The following IQUB variants were observed in gnomAD, a reference collection of about 807,000 sequenced individuals.
The protein encoded by IQUB is IQ motif and ubiquitin-like domain-containing protein.
IQUB carries 86 observed loss-of-function variants against 86.4 expected under a neutral mutation model. The ratio of observed to expected loss-of-function variants is 1.00; its 90% confidence interval spans 0.84 to 1.19. The LOEUF (loss-of-function observed/expected upper bound fraction) is 1.19, where lower values mean the gene tolerates loss of function less well. Ranked by LOEUF, IQUB falls within the 50% of genes most tolerant of loss-of-function variation. The probability of loss-of-function intolerance (pLI) is 0.00; values close to 1 mark genes in which losing one functional copy is unlikely to be tolerated. For missense variants in IQUB, 946 were observed against 916.9 expected (o/e 1.03, Z -0.41); for synonymous variants, 289 against 304.5 (o/e 0.95, Z 0.53).
chr7:123,504,719 C>T (rs1796100054), intron 3 of IQUB, among the ~76,000 whole-genome samples: 1 of 152,144 alleles, frequency 6.6e-6, no homozygotes, highest in Non-Finnish European at 1.5e-5. Context: ...TCCTCCAACA[C>T]TGAGGATTAC....
At chr7:123,520,666 G>C (rs755189658) in intron 1 of IQUB, among the ~76,000 whole-genome samples, 1 of 152,086 alleles carries the variant, frequency 6.6e-6, no homozygotes, top group Non-Finnish European at 1.5e-5. Flanking sequence ...AGCTAGAGAC[G>C]AGGTTGTGGG....
At chr7:123,496,974 T>A (rs1795733275) in intron 6 of IQUB, 68 bp from the exon 7 acceptor site, 1 of 921,982 alleles carries the variant, frequency 1.1e-6, no homozygotes, top group African/African-American at 1.7e-5. Context: ...ATAAAGGCAA[T>A]GATGATTATT....
intron 12 of IQUB, among the ~76,000 whole-genome samples, chr7:123,453,263 A>AATATATAT (rs72054596): frequency 0.077 from 10,645 of 137,854 alleles, 602 homozygotes; most frequent in East Asian, 0.24. Context: ...ATCTAGTTAG[A>AATATATAT]ATATATATAT....
At chr7:123,497,163 G>A (rs573227884) in intron 6 of IQUB, among the ~76,000 whole-genome samples, 16 of 152,278 alleles carry the variant, frequency 1.1e-4, no homozygotes, top group Admixed American at 9.8e-4. Context: ...AGACTCTGGA[G>A]TAAAACTTAG....
At chr7:123,458,514 G>A (rs1236023908) in intron 11 of IQUB, among the ~76,000 whole-genome samples, 1 of 151,808 alleles carries the variant, frequency 6.6e-6, no homozygotes, top group East Asian at 1.9e-4. Context: ...TTTACTTAAT[G>A]CTAAAAAAGA....
At chr7:123,518,867 T>G (rs551697065) in intron 1 of IQUB, among the ~76,000 whole-genome samples, 1 of 152,334 alleles carries the variant, frequency 6.6e-6, no homozygotes, top group Non-Finnish European at 1.5e-5. Context: ...GTGCTGGGAT[T>G]ACAGGCATGA....
chr7:123,455,052 T>C (rs1793625844), intron 12 of IQUB, among the ~76,000 whole-genome samples: 1 of 152,132 alleles, frequency 6.6e-6, no homozygotes, highest in Non-Finnish European at 1.5e-5. Context: ...TTATTTGGAA[T>C]TCTACATGGG....
At chr7:123,489,999 C>T (rs886238535) in intron 7 of IQUB, among the ~76,000 whole-genome samples, 31 of 151,392 alleles carry the variant, frequency 2.0e-4, no homozygotes, top group African/African-American at 6.1e-4. Flanking sequence ...ATAAGAGGAG[C>T]AAATATAAAA....
chr7:123,452,772 T>C lies in IQUB; in HGVS notation c.2347A>G (p.Ile783Val), dbSNP rs760677425. 6.2e-7 allele frequency: 1 copy of C among 1,613,240 alleles called. No individual in the cohort carries two copies. Among genetic ancestry groups the C allele is most frequent in the Admixed American group, 1.7e-5 (1 of 59,954 alleles). ...TGAGGAGGCCTCTGGGATTCTATAA[T>C]CTTAGGTGTTGTGTCTGAGTGATAC... is the stretch of plus-strand genomic sequence containing the variant. ...WKYHSDTTPKIIESQRPPH is the reference protein window; with the variant it reads ...WKYHSDTTPKVIESQRPPH Residue 783 changes from isoleucine (I) to valine (V), a missense_variant, in exon 13 of 13, where the codon ATT becomes GTT. Coordinates refer to ENST00000324698, the MANE Select transcript of IQUB (RefSeq NM_178827.5).
chr7:123,493,875 G>A (rs1416711596), intron 7 of IQUB, among the ~76,000 whole-genome samples: 4 of 151,036 alleles, frequency 2.6e-5, no homozygotes, highest in Non-Finnish European at 5.9e-5. Context: ...TAGTTGGGGG[G>A]GCAGGGAGGA....
intron 1 of IQUB, among the ~76,000 whole-genome samples, chr7:123,528,017 G>A (rs903757336): frequency 6.6e-6 from 1 of 152,246 alleles, no homozygotes; most frequent in African/African-American, 2.4e-5. Context: ...TAATCTCCTG[G>A]TCCGCCGTTT....
rs530733054 is a variant in IQUB at position 123,465,437 on chromosome 7, G to A, written c.1582-428C>T. Among the ~76,000 whole-genome samples the A allele has an allele frequency of 9.9e-5, 15 of 152,006 alleles. No homozygotes were observed. In the South Asian group the frequency reaches 2.5e-3, roughly 25 times the overall value. On this transcript the variant is annotated intron_variant, in intron 9 of 12. Transcript: ENST00000324698. The stretch of plus-strand genomic sequence containing the variant: ...GAGATGACAAGAGGAATTGTAATTC[G>A]AAGGGAAAAGAGGACACCAGAAACA...
rs765768329 is a variant in IQUB, at chr7:123,461,356, C to T, written c.2007+1G>A. The T allele has an allele frequency of 7.5e-6, 12 of 1,604,222 alleles. No homozygotes were observed. In the South Asian group the frequency reaches 1.2e-4, roughly 16 times the overall value. ...TAATTGGCACCCCTTATTGACCATA[C>T]CTGCATCAAGAAAGCAATTTTAGAA... On this transcript the variant is annotated splice_donor_variant, in intron 11 of 12. Transcript: ENST00000324698. LOFTEE classifies it high-confidence loss of function.
At chr7:123,496,252 G>C (rs553533328) in intron 7 of IQUB, among the ~76,000 whole-genome samples, 8 of 152,140 alleles carry the variant, frequency 5.3e-5, no homozygotes, top group African/African-American at 1.7e-4. Flanking sequence ...CATTTATATA[G>C]TATTATTAAT....
At chr7:123,511,384 TG>T in intron 2 of IQUB, among the ~76,000 whole-genome samples, 1 of 152,364 alleles carries the variant, frequency 6.6e-6, no homozygotes, top group South Asian at 2.1e-4. Context: ...TAATAACTAC[TG>T]TATGCTATCA....
intron 3 of IQUB, among the ~76,000 whole-genome samples, chr7:123,508,244 A>T (rs1281589280): frequency 6.6e-6 from 1 of 152,210 alleles, no homozygotes; most frequent in Non-Finnish European, 1.5e-5. Context: ...GCAAGGAATC[A>T]GATTCTCTTC....
intron 1 of IQUB, among the ~76,000 whole-genome samples, chr7:123,518,287 T>A (rs780654598): frequency 2.2e-4 from 34 of 152,182 alleles, no homozygotes; most frequent in Non-Finnish European, 4.0e-4. Context: ...TAGCTGGTTA[T>A]CTTAATTTCA....
Position 123,457,542 on chromosome 7 carries a change from C to G in IQUB, c.2032G>C (p.Glu678Gln). The change falls in exon 12 of 13, where the codon GAG becomes CAG. Residue 678 changes from glutamate to glutamine, a missense_variant. Glu to Gln is a conservative substitution (Grantham distance 29). Coordinates refer to ENST00000324698, the MANE Select transcript of IQUB (RefSeq NM_178827.5). Reference protein sequence around the residue: ...MQLQDIQYLTENIWASQSVLS... With the variant: ...MQLQDIQYLTQNIWASQSVLS... ...ACTGACTGGGACGCCCAGATGTTCT[C>G]TGTCAGGTACTGAATGTCTTGTAGC... is the stretch of plus-strand genomic sequence containing the variant. The G allele has an allele frequency of 6.2e-7, 1 of 1,605,100 alleles. No individual in the cohort carries two copies. Among genetic ancestry groups the G allele is most frequent in the Non-Finnish European group, 8.5e-7 (1 of 1,177,088 alleles).
intron 8 of IQUB, among the ~76,000 whole-genome samples, chr7:123,471,054 T>C (rs559780831): frequency 2.6e-5 from 4 of 152,286 alleles, no homozygotes; most frequent in Admixed American, 6.5e-5. Flanking sequence ...ATGAATGTTA[T>C]TCAGAGGTAG....
Sources: allele counts gnomAD v4.1 joint callset (sites outside exome capture counted in the v4.1 genomes callset), GRCh38; gene constraint gnomAD v4.1.1; transcripts MANE v1.5; gene names NCBI Gene and HGNC (gene_info 2026-07-23, HGNC 2026-07-21).